The following HDAC5 variants were observed in gnomAD, a reference collection of about 807,000 sequenced individuals.
HDAC5 encodes the protein histone deacetylase 5.
A neutral mutation model predicts 133.3 loss-of-function variants in HDAC5; 25 were observed. The ratio of observed to expected loss-of-function variants is 0.19; its 90% CI spans 0.14 to 0.26. The LOEUF is 0.26. Ranked by LOEUF, HDAC5 falls within the 10% of genes least tolerant of loss-of-function variation. HDAC5 has a pLI of 1.00. For missense variants in HDAC5, 1,041 were observed against 1,460.5 expected (o/e 0.71, Z 4.68); for synonymous variants, 589 against 610.8 (o/e 0.96, Z 0.53).
intron 3 of HDAC5, among the ~76,000 whole-genome samples, chr17:44,108,252 G>A (rs2052096529): frequency 6.6e-6 from 1 of 152,160 alleles, no homozygotes; most frequent in South Asian, 2.1e-4. Context: ...TACCCGCTGG[G>A]GTGACTCACT....
At chr17:44,091,167 G>A (rs2050926850) in intron 11 of HDAC5, 103 bp downstream of exon 11, 2 of 856,800 alleles carry the variant, frequency 2.3e-6, no homozygotes, top group Non-Finnish European at 3.8e-6. Context: ...AATCACTGAT[G>A]CTGTTGATTC....
chr17:44,114,235 G>A (rs756755084), intron 2 of HDAC5, among the ~76,000 whole-genome samples: 1 of 152,266 alleles, frequency 6.6e-6, no homozygotes, highest in Non-Finnish European at 1.5e-5. Context: ...GTGTGCCAGG[G>A]GGCATCTCAG....
chr17:44,084,814 T>G (rs1486446691), intron 15 of HDAC5, 139 bp from the exon 16 acceptor site: 1 of 1,313,644 alleles, frequency 7.6e-7, no homozygotes, highest in African/African-American at 1.5e-5. Context: ...CCTGGCTCTG[T>G]CATGACCTTA....
Position 44,084,122 on chromosome 17 carries a change from C to CA in HDAC5, c.2306-269dup, listed in dbSNP as rs796233306. On this transcript the variant is annotated intron_variant, in intron 16 of 26. Transcript: ENST00000682912. ...CCTGGCCAACAGAGCAAGACTGTCT[C>CA]AAAAAAAAAAAAGGCACCTCAACTG... Among the ~76,000 whole-genome samples the CA allele has an allele frequency of 1.0e-3, 141 of 138,730 alleles. 1 individual carries two copies. The highest frequency in any genetic ancestry group is 2.3e-3 in the Admixed American group (32 of 13,792). The allele number at this position is 138,730 out of a possible 152,430, so 91.0% of individuals were successfully genotyped here.
chr17:44,084,151 CA>C (rs1482932928), intron 16 of HDAC5, among the ~76,000 whole-genome samples: 2 of 151,520 alleles, frequency 1.3e-5, no homozygotes, highest in Non-Finnish European at 2.9e-5. Flanking sequence ...TCAACTGCCA[CA>C]GGGCTACAGG....
chr17:44,100,308 G>A (rs1338032404), intron 3 of HDAC5, among the ~76,000 whole-genome samples: 2 of 152,018 alleles, frequency 1.3e-5, no homozygotes, highest in Non-Finnish European at 2.9e-5. Context: ...AAGAACCCCG[G>A]CCAGCAAGGA....
At chr17:44,085,551 A>G (rs1363373895) in intron 14 of HDAC5, among the ~76,000 whole-genome samples, 2 of 151,784 alleles carry the variant, frequency 1.3e-5, no homozygotes, top group Admixed American at 1.3e-4. Flanking sequence ...TCTGTCGGCC[A>G]GGTCCAGTGG....
rs386386141 is a variant in HDAC5 at position 44,089,931 on chromosome 17, CAAAAA to C, written c.1387+1334_1388-1334del. ...TGGGCAACAAAGTGAGATTCTGTCTCAAAAAAAAAAAAAAAAAAAGGATGAGCATG... is the reference window on the plus strand; with the variant it reads ...TGGGCAACAAAGTGAGATTCTGTCTCAAAAAAAAAAAAAAGGATGAGCATG... On this transcript the variant is annotated intron_variant, in intron 11 of 26. Transcript: ENST00000682912. 1.4e-4 allele frequency among the ~76,000 whole-genome samples: 12 copies of C among 86,598 alleles called. No homozygotes were observed. In the East Asian group the frequency reaches 3.7e-3, roughly 27 times the overall value. 56.8% of individuals were successfully genotyped at this position (86,598 alleles called of 152,430 possible).
chr17:44,082,215 A>G (rs920181667), intron 20 of HDAC5: 3 of 238,886 alleles, frequency 1.3e-5, no homozygotes, highest in Admixed American at 1.0e-4. Flanking sequence ...TAAAGTACTC[A>G]TTGTGTTCCT....
intron 1 of HDAC5, among the ~76,000 whole-genome samples, chr17:44,118,331 G>A (rs758388502): frequency 6.6e-6 from 1 of 152,208 alleles, no homozygotes; most frequent in African/African-American, 2.4e-5. Flanking sequence ...TGGCCTGGCA[G>A]GTGCAGGGCC....
intron 3 of HDAC5, among the ~76,000 whole-genome samples, chr17:44,098,262 G>C (rs1029794561): frequency 1.3e-5 from 2 of 152,226 alleles, no homozygotes; most frequent in African/African-American, 2.4e-5. Flanking sequence ...GGCATGAGCA[G>C]AGCAGGTGGC....
chr17:44,082,988 GT>G (rs945363233), intron 18 of HDAC5, among the ~76,000 whole-genome samples, 168 bp from the exon 19 acceptor site: 1 of 152,026 alleles, frequency 6.6e-6, no homozygotes. Flanking sequence ...TTTTTTATGG[GT>G]TTTTTTGGAG....
chr17:44,092,280 C>A lies in HDAC5; in HGVS notation c.924G>T (p.Ser308=), dbSNP rs750170598. The A allele has an allele frequency of 1.2e-6, 2 of 1,613,902 alleles. No individual in the cohort carries two copies. The highest frequency in any genetic ancestry group is 1.7e-6 in the Non-Finnish European group (2 of 1,179,940). The stretch of plus-strand genomic sequence containing the variant: ...AGCCGGGTGCGCTGTTACACACGGA[C>A]GACGCTATAGGAGAAGTGGCTGTCA... ...VEITGAGPGA[S]SVCNSAPGSG... The change falls in exon 9 of 27, where the codon TCG becomes TCT. Residue 308 remains serine, a synonymous_variant. Transcript: ENST00000682912.
chr17:44,098,469 T>C (rs2051397376), intron 3 of HDAC5, among the ~76,000 whole-genome samples: 1 of 152,178 alleles, frequency 6.6e-6, no homozygotes, highest in Non-Finnish European at 1.5e-5. Flanking sequence ...CCAGGCGCAG[T>C]GGCTCATGCC....
chr17:44,116,897 A>T (rs1023183814), intron 2 of HDAC5, among the ~76,000 whole-genome samples: 15 of 152,166 alleles, frequency 9.9e-5, no homozygotes, highest in Non-Finnish European at 2.1e-4. Flanking sequence ...TTAGCAATCT[A>T]CCATATGAAG....
intron 2 of HDAC5, among the ~76,000 whole-genome samples, chr17:44,114,515 G>A (rs2052539090): frequency 6.6e-6 from 1 of 152,300 alleles, no homozygotes; most frequent in East Asian, 1.9e-4. Context: ...GCGCTGGGCA[G>A]GCAGGTGTTG....
chr17:44,111,319 G>T (rs1056375558), intron 2 of HDAC5: 1 of 331,048 alleles, frequency 3.0e-6, no homozygotes, highest in Non-Finnish European at 6.0e-6. Context: ...TCAGGGAGCT[G>T]CGGGCGGGCT....
chr17:44,083,943 AT>A, intron 16 of HDAC5, 89 bp from the exon 17 acceptor site: 1 of 982,544 alleles, frequency 1.0e-6, no homozygotes, highest in Non-Finnish European at 1.6e-6. Flanking sequence ...GGACAACATG[AT>A]GAAACCCCAT....
chr17:44,102,721 G>C (rs1207855871), intron 3 of HDAC5, among the ~76,000 whole-genome samples: 1 of 145,460 alleles, frequency 6.9e-6, no homozygotes, highest in East Asian at 2.1e-4. Context: ...GAGTGCGGTG[G>C]GGTGGGGTGA....
Sources: gnomAD v4.1 joint callset for allele counts (sites outside exome capture counted in the v4.1 genomes callset) on GRCh38, gnomAD v4.1.1 for gene constraint, MANE v1.5 for transcripts, NCBI Gene and HGNC (gene_info 2026-07-23, HGNC 2026-07-21) for gene names.